OPRM1: variants seen among roughly 807,000 people sequenced by gnomAD.
The protein encoded by OPRM1 is opioid receptor mu 1.
In OPRM1, 27 loss-of-function variants were observed where a neutral mutation model predicts 31.8. The observed-to-expected ratio is 0.85, with a 90% CI of 0.63 to 1.17. OPRM1 has a LOEUF of 1.17. Among genes scored for constraint, OPRM1 ranks in the 50% most tolerant of loss-of-function variants. The probability of loss-of-function intolerance (pLI) is 0.00; values close to 1 mark genes in which losing one functional copy is unlikely to be tolerated. For synonymous variants in OPRM1, 196 were observed against 189.9 expected, an observed-to-expected ratio of 1.03 and a Z score of -0.26; for missense variants, 536 against 511.1, an observed-to-expected ratio of 1.05 and a Z score of -0.47.
intron 3 of OPRM1, among the ~76,000 whole-genome samples, chr6:154,100,865 A>G (rs1228328656): frequency 6.7e-6 from 1 of 149,262 alleles, no homozygotes; most frequent in Non-Finnish European, 1.5e-5. Flanking sequence ...ATATATATTT[A>G]GGAGATTTTA....
chr6:154,162,066 C>T lies in OPRM1; in HGVS notation c.1164+70594C>T, dbSNP rs546185477. ...ACTTCTCCCAAGTTCCTATTGCCCA[C>T]GAACTACATGGATGCAAATCTATGC... On this transcript the variant is annotated intron_variant, in intron 3 of 3. Transcript: ENST00000337049. Among the ~76,000 whole-genome samples, 163 of 152,312 alleles carry T rather than the reference C, an allele frequency of 1.1e-3. 2 individuals are homozygous for T. Among genetic ancestry groups the T allele is most frequent in the African/African-American group, 3.8e-3 (158 of 41,562 alleles).
intron 1 of OPRM1, among the ~76,000 whole-genome samples, chr6:154,079,861 C>T (rs1788707609): frequency 1.3e-5 from 2 of 152,128 alleles, no homozygotes; most frequent in African/African-American, 4.8e-5. Context: ...CAGACGTGAG[C>T]AACTGCACCT....
In OPRM1 at chr6:154,039,672, A is replaced by T. The variant is rs754187495; in HGVS notation, c.128A>T (p.Asp43Val). 1.2e-6 allele frequency: 2 copies of T among 1,613,816 alleles called. No individual in the cohort carries two copies. The highest frequency in any genetic ancestry group is 2.2e-5 in the South Asian group (2 of 91,062). ...TCCCACTTAGATGGCAACCTGTCCG[A>T]CCCATGCGGTCCGAACCGCACCGAC... The part of the protein sequence containing the change: ...NLSHLDGNLS[D>V]PCGPNRTDLG... Residue 43 changes from aspartate (D) to valine (V), a missense_variant, in exon 1 of 4, where the codon GAC (aspartate) becomes GTC (valine). Physicochemically the swap from Asp to Val is radical, Grantham distance 152 (BLOSUM62 -3). Coordinates refer to ENST00000330432, the MANE Select transcript of OPRM1 (RefSeq NM_000914.5).
At chr6:154,135,723 C>T (rs997257947), downstream of OPRM1, among the ~76,000 whole-genome samples, 1 of 152,140 alleles carries the variant, frequency 6.6e-6, no homozygotes, top group Admixed American at 6.5e-5. Context: ...GCATATAGAA[C>T]CTCTTGGCCT....
chr6:154,096,690 A>G (rs1206690549), intron 3 of OPRM1, among the ~76,000 whole-genome samples: 2 of 152,154 alleles, frequency 1.3e-5, no homozygotes, highest in Non-Finnish European at 2.9e-5. Flanking sequence ...GGGAAGTTAA[A>G]TCATTATATA....
intron 3 of OPRM1, among the ~76,000 whole-genome samples, chr6:154,103,122 C>G (rs188798109): frequency 6.6e-6 from 1 of 151,814 alleles, no homozygotes; most frequent in African/African-American, 2.4e-5. Flanking sequence ...AATCTCATGG[C>G]GATATTAAAA....
In OPRM1 at chr6:154,015,158, T is replaced by G. The variant is rs936977465; in HGVS notation, c.-1+4140T>G. ...ACCATTGAAAACCACCAGGTTTTTC[T>G]TTTCTAGAGCTTGAGAAGTTAATTA... On this transcript the variant is annotated intron_variant, in intron 1 of 5. Coordinates refer to the OPRM1 transcript ENST00000434900. Among the ~76,000 whole-genome samples, 19 of 152,232 alleles carry G rather than the reference T, an allele frequency of 1.2e-4. 1 individual carries two copies. The highest frequency in any genetic ancestry group is 1.0e-3 in the Admixed American group (16 of 15,288).
chr6:154,083,560 G>C (rs1431298396), intron 1 of OPRM1: 1 of 152,286 alleles, frequency 6.6e-6, no homozygotes, highest in Non-Finnish European at 1.5e-5. Context: ...TTGTCATCGG[G>C]GGACCCGAAG....
chr6:154,135,484 GATAGAT>G (rs58196022), downstream of OPRM1, among the ~76,000 whole-genome samples: 34,489 of 144,276 alleles, frequency 0.24, 4,162 homozygotes, highest in African/African-American at 0.28. Flanking sequence ...AAAATATATA[GATAGAT>G]ATAGATATAG....
chr6:154,246,727 C>T, exon 4 of OPRM1: 1 of 1,614,056 alleles, frequency 6.2e-7, no homozygotes, highest in Non-Finnish European at 8.5e-7. Context: ...CAGATCTTTA[C>T]ACGATATCCT....
At chr6:154,214,986 T>C (rs1778270431) in intron 3 of OPRM1, among the ~76,000 whole-genome samples, 1 of 152,200 alleles carries the variant, frequency 6.6e-6, no homozygotes, top group Admixed American at 6.5e-5. Context: ...AACACAAATT[T>C]TTAAAAGCTG....
chr6:154,170,637 C>T (rs1239637363), intron 3 of OPRM1, among the ~76,000 whole-genome samples: 1 of 152,204 alleles, frequency 6.6e-6, no homozygotes, highest in Non-Finnish European at 1.5e-5. Flanking sequence ...AGACTTTTGG[C>T]TCACACCGTG....
Position 154,039,562 on chromosome 6 carries a change from C to T in OPRM1, c.18C>T (p.Ala6=), listed in dbSNP as rs1487920320. The change falls in exon 1 of 4, where the codon GCC becomes GCT. Residue 6 remains alanine, a synonymous_variant. Coordinates refer to ENST00000330432, the MANE Select transcript of OPRM1 (RefSeq NM_000914.5). MDSSA[A]PTNASNCTDA... ...TCAGTACCATGGACAGCAGCGCTGC[C>T]CCCACGAACGCCAGCAATTGCACTG... The T allele has an allele frequency of 1.2e-6, 2 of 1,612,342 alleles. No individual in the cohort carries two copies. The highest frequency in any genetic ancestry group is 1.7e-5 in the Admixed American group (1 of 59,762).
At chr6:154,058,396 T>G (rs1157636610) in intron 1 of OPRM1, among the ~76,000 whole-genome samples, 1 of 152,198 alleles carries the variant, frequency 6.6e-6, no homozygotes, top group African/African-American at 2.4e-5. Context: ...GTTATAAAAT[T>G]TAGCTGACCA....
At chr6:154,153,268 C>G (rs979811371) in intron 3 of OPRM1, among the ~76,000 whole-genome samples, 3 of 152,158 alleles carry the variant, frequency 2.0e-5, no homozygotes, top group African/African-American at 7.2e-5. Flanking sequence ...GGATAGTGTT[C>G]AGTCCTAATC....
At chr6:154,201,673 T>C (rs1447781906) in intron 3 of OPRM1, among the ~76,000 whole-genome samples, 1 of 152,134 alleles carries the variant, frequency 6.6e-6, no homozygotes, top group Non-Finnish European at 1.5e-5. Context: ...GGTGGGCAGA[T>C]CTCTTGAGGT....
intron 3 of OPRM1, among the ~76,000 whole-genome samples, chr6:154,227,508 C>T (rs184240103): frequency 1.3e-5 from 2 of 152,082 alleles, no homozygotes; most frequent in East Asian, 3.9e-4. Context: ...CACTTGAGCC[C>T]AAGAGTTCAA....
chr6:154,069,547 C>T (rs1038094478), intron 1 of OPRM1, among the ~76,000 whole-genome samples: 1 of 152,150 alleles, frequency 6.6e-6, no homozygotes, highest in African/African-American at 2.4e-5. Context: ...CTGGCCTGTG[C>T]TTTTAAGGTG....
At chr6:154,246,530 G>A (rs965542465) in intron 3 of OPRM1, 12 of 1,521,646 alleles carry the variant, frequency 7.9e-6, no homozygotes, top group Non-Finnish European at 1.1e-5. Context: ...GGGATCACCT[G>A]ATGCCTTTAA....
Sources: allele counts gnomAD v4.1 joint callset (sites outside exome capture counted in the v4.1 genomes callset), GRCh38; gene constraint gnomAD v4.1.1; transcripts MANE v1.5; gene names NCBI Gene and HGNC (gene_info 2026-07-23, HGNC 2026-07-21).